KLHL32: variants seen among roughly 807,000 people sequenced by gnomAD.
KLHL32 encodes the protein kelch like family member 32.
A neutral mutation model predicts 64.8 loss-of-function variants in KLHL32; 35 were observed. The ratio of observed to expected loss-of-function variants is 0.54; its 90% confidence interval spans 0.41 to 0.72. KLHL32 has a LOEUF of 0.72. Among genes scored for constraint, KLHL32 ranks in the 30% least tolerant of loss-of-function variants. The pLI, the probability that KLHL32 is intolerant of heterozygous loss-of-function variation, is 0.00. For missense variants in KLHL32, 589 were observed against 768.5 expected (o/e 0.77, Z 2.76); for synonymous variants, 259 against 281.0 (o/e 0.92, Z 0.78).
chr6:96,992,770 G>C (rs1388749869), intron 3 of KLHL32, among the ~76,000 whole-genome samples: 1 of 152,182 alleles, frequency 6.6e-6, no homozygotes, highest in African/African-American at 2.4e-5. Flanking sequence ...AGCCTCTGGA[G>C]AAACTTCATT....
intron 8 of KLHL32, among the ~76,000 whole-genome samples, chr6:97,128,387 T>C (rs1426860997): frequency 6.6e-6 from 1 of 152,204 alleles, no homozygotes; most frequent in Non-Finnish European, 1.5e-5. Context: ...TCAAGAGGGA[T>C]CGTTAATTGC....
rs1783798496 is a variant in KLHL32, at chr6:97,033,096, T to C, written c.205-8396T>C. Among the ~76,000 whole-genome samples, 4 of 152,186 alleles carry C rather than the reference T, an allele frequency of 2.6e-5. No individual in the cohort carries two copies. In the South Asian group the frequency reaches 8.3e-4, roughly 31 times the overall value. On this transcript the variant is annotated intron_variant, in intron 3 of 10. Transcript: ENST00000369261. ...TAAATTTTACTAAGAGCTTGCCATA[T>C]GTCAGGCACTGTTCACTTTGTATGT...
intron 1 of KLHL32, among the ~76,000 whole-genome samples, chr6:96,938,988 C>A (rs566394890): frequency 6.6e-6 from 1 of 152,284 alleles, no homozygotes; most frequent in South Asian, 2.1e-4. Context: ...CCCAGGATTA[C>A]TGCTCTATGG....
chr6:96,987,628 A>G (rs1251510502), intron 3 of KLHL32, among the ~76,000 whole-genome samples: 3 of 152,248 alleles, frequency 2.0e-5, no homozygotes, highest in Non-Finnish European at 4.4e-5. Flanking sequence ...GAACCAAAAC[A>G]GAGCCTGCAT....
At chr6:97,067,098 G>A (rs1789904344) in intron 5 of KLHL32, among the ~76,000 whole-genome samples, 2 of 152,122 alleles carry the variant, frequency 1.3e-5, no homozygotes, top group South Asian at 4.1e-4. Flanking sequence ...GGGCAGACCG[G>A]CTCAAATATA....
intron 3 of KLHL32, among the ~76,000 whole-genome samples, chr6:96,984,773 C>A (rs368840117): frequency 6.6e-6 from 1 of 152,100 alleles, no homozygotes; most frequent in Non-Finnish European, 1.5e-5. Context: ...TGTCTCTGCA[C>A]GTGAGATGGG....
At chr6:96,975,101 T>G in intron 2 of KLHL32, among the ~76,000 whole-genome samples, 1 of 152,200 alleles carries the variant, frequency 6.6e-6, no homozygotes, top group Non-Finnish European at 1.5e-5. Context: ...AAGTTTGCAT[T>G]TTGTGTTTAT....
chr6:97,085,388 G>A (rs200996198), intron 6 of KLHL32, 47 bp downstream of exon 6: 37 of 1,501,326 alleles, frequency 2.5e-5, no homozygotes, highest in African/African-American at 2.2e-4. Flanking sequence ...AAAGCATGCC[G>A]TGATTGGAAG....
intron 6 of KLHL32, among the ~76,000 whole-genome samples, chr6:97,108,086 T>A (rs1013374757): frequency 1.3e-5 from 2 of 152,170 alleles, no homozygotes; most frequent in African/African-American, 4.8e-5. Context: ...TTGCAGGTGG[T>A]TTAGGAAATG....
At chr6:97,080,790 G>A (rs563664076) in intron 5 of KLHL32, among the ~76,000 whole-genome samples, 1 of 152,182 alleles carries the variant, frequency 6.6e-6, no homozygotes, top group East Asian at 1.9e-4. Flanking sequence ...AAACAAGTAG[G>A]CAAATAAATG....
intron 6 of KLHL32, 42 bp downstream of exon 6, chr6:97,085,383 A>G (rs1158682676): frequency 1.3e-6 from 2 of 1,534,352 alleles, no homozygotes; most frequent in Non-Finnish European, 1.8e-6. Context: ...CTGAAAAAGC[A>G]TGCCGTGATT....
At chr6:97,014,265 A>G (rs1016877786) in intron 3 of KLHL32, among the ~76,000 whole-genome samples, 3 of 151,940 alleles carry the variant, frequency 2.0e-5, no homozygotes, top group African/African-American at 7.2e-5. Context: ...ACTGCACTCC[A>G]ACCTGGGTGA....
rs189428067 is a variant in KLHL32 at position 97,107,432 on chromosome 6, C to T, written c.628-6351C>T. ...AGTTAAAAACAGTTTCTAGTTCTAG[C>T]TTTTCTGCTAATTCATTGTATGACT... On this transcript the variant is annotated intron_variant, in intron 6 of 10. Coordinates refer to ENST00000369261, the MANE Select transcript of KLHL32 (RefSeq NM_052904.4). Among the ~76,000 whole-genome samples, 64 of 152,286 alleles carry T rather than the reference C, an allele frequency of 4.2e-4. 1 individual carries two copies. Among genetic ancestry groups the T allele is most frequent in the East Asian group, 2.5e-3 (13 of 5,190 alleles).
chr6:96,979,060 T>C (rs1341457944), intron 3 of KLHL32, among the ~76,000 whole-genome samples: 1 of 152,198 alleles, frequency 6.6e-6, no homozygotes, highest in East Asian at 1.9e-4. Flanking sequence ...CTTTGTCAGA[T>C]GCATAGTTTG....
At chr6:96,903,712 C>T in the KLHL32 span, among the ~76,000 whole-genome samples, 1 of 152,154 alleles carries the variant, frequency 6.6e-6, no homozygotes, top group South Asian at 2.1e-4. Context: ...TCAGTCAATC[C>T]TATGTAATCA....
chr6:96,976,809 G>C (rs1775746643), intron 3 of KLHL32, among the ~76,000 whole-genome samples: 1 of 152,078 alleles, frequency 6.6e-6, no homozygotes, highest in Non-Finnish European at 1.5e-5. Context: ...AAGTTGGCCA[G>C]GTTGGTCTCG....
At chr6:97,082,687 T>G (rs1407685605) in intron 5 of KLHL32, among the ~76,000 whole-genome samples, 1 of 152,074 alleles carries the variant, frequency 6.6e-6, no homozygotes, top group African/African-American at 2.4e-5. Context: ...AGTTTATGAC[T>G]GTGGGATATC....
At chr6:96,943,395 A>C (rs1771563794) in intron 1 of KLHL32, among the ~76,000 whole-genome samples, 2 of 152,068 alleles carry the variant, frequency 1.3e-5, no homozygotes, top group South Asian at 2.1e-4. Flanking sequence ...TAAAAAAAAA[A>C]AAAAAACCTT....
intron 3 of KLHL32, among the ~76,000 whole-genome samples, chr6:97,018,516 G>A (rs1371743438): frequency 6.6e-6 from 1 of 150,638 alleles, no homozygotes; most frequent in East Asian, 1.9e-4. Context: ...TAGGAGAATC[G>A]CCTGAACCAG....
Sources: gnomAD v4.1 joint callset for allele counts (sites outside exome capture counted in the v4.1 genomes callset) on GRCh38, gnomAD v4.1.1 for gene constraint, MANE v1.5 for transcripts, NCBI Gene and HGNC (gene_info 2026-07-23, HGNC 2026-07-21) for gene names.